MARK1: variants seen among roughly 807,000 people sequenced by gnomAD.
The protein encoded by MARK1 is microtubule affinity regulating kinase 1, also known as serine/threonine-protein kinase MARK1.
Under a neutral mutation model 96.3 loss-of-function variants are expected in MARK1, and 40 were observed. That is an observed-to-expected ratio of 0.42 (90% CI 0.32 to 0.54). The LOEUF is 0.54. MARK1 is among the 20% of genes least tolerant of loss of function. The pLI is 0.16. For missense variants in MARK1, 719 were observed against 984.6 expected (o/e 0.73, Z 3.61); for synonymous variants, 317 against 341.2 (o/e 0.93, Z 0.78).
At position 220,618,745 on chromosome 1, in the gene MARK1, G is replaced by T. The variant is rs750949859; in HGVS notation, c.899G>T (p.Gly300Val). 1 of 1,590,858 alleles carries T rather than the reference G, an allele frequency of 6.3e-7. No individual in the cohort carries two copies. The highest frequency in any genetic ancestry group is 1.2e-5 in the South Asian group (1 of 85,696). Residue 300 changes from glycine (G) to valine (V), a missense_variant, in exon 9 of 18, where the codon GGC (glycine) becomes GTC (valine). By Grantham distance (109) the Gly-to-Val change is moderately radical (BLOSUM62 -3). Transcript: ENST00000366917. This position sits in a 1 kb window ranked among gnomAD's most constrained non-coding sequence, Gnocchi z 4.6. The part of the protein sequence containing the change: ...KLLVLNPIKR[G>V]SLEQIMKDRW... ...TTAGTCCTGAATCCAATAAAGAGAG[G>T]CAGCTTGGAAGTAAGTAAATTTTTG... is the stretch of plus-strand genomic sequence containing the variant.
intron 1 of MARK1, among the ~76,000 whole-genome samples, chr1:220,551,906 G>A (rs888145869): frequency 6.6e-5 from 10 of 152,240 alleles, no homozygotes; most frequent in African/African-American, 2.4e-4. Flanking sequence ...GCCTGGTGAA[G>A]TAACCCAAGC....
intron 1 of MARK1, among the ~76,000 whole-genome samples, chr1:220,545,998 C>G (rs1661465256): frequency 1.3e-5 from 2 of 152,132 alleles, no homozygotes; most frequent in Non-Finnish European, 2.9e-5. Context: ...ATCTGACCAC[C>G]CCTGAGAGCT....
chr1:220,598,535 A>G (rs1665529635), intron 4 of MARK1, among the ~76,000 whole-genome samples, 156 bp downstream of exon 4: 2 of 151,310 alleles, frequency 1.3e-5, no homozygotes, highest in African/African-American at 4.9e-5. Context: ...AGGAAGTGAT[A>G]CTTTGGGTAA....
intron 9 of MARK1, among the ~76,000 whole-genome samples, chr1:220,630,778 T>C (rs1667639941): frequency 6.6e-6 from 1 of 152,158 alleles, no homozygotes; most frequent in Non-Finnish European, 1.5e-5. Context: ...AATATCCAAA[T>C]TTGAAAATAT....
Position 220,661,985 on chromosome 1 carries a change from A to G in MARK1, c.2207A>G (p.Glu736Gly), listed in dbSNP as rs777889635. The change falls in exon 18 of 18, where the codon GAG becomes GGG. Residue 736 changes from glutamate to glycine, a missense_variant. This residue lies in a region of MARK1 where 501 missense variants were observed against 588.3 expected (regional missense o/e 0.85). Transcript: ENST00000366917. ...AATAACTGTGATTATGAGCAAAAAG[A>G]GAGATTTTTGCTTTTCTGTGTCCAT... is the stretch of plus-strand genomic sequence containing the variant. ...DANNCDYEQK[E>G]RFLLFCVHGD... The G allele has an allele frequency of 6.2e-7, 1 of 1,614,118 alleles. No homozygotes were observed. Among genetic ancestry groups the G allele is most frequent in the Non-Finnish European group, 8.5e-7 (1 of 1,180,054 alleles).
At position 220,662,022 on chromosome 1, in the gene MARK1, A is replaced by G; in HGVS notation, c.2244A>G (p.Arg748=). 1 of 1,614,250 alleles carries G rather than the reference A, an allele frequency of 6.2e-7. No individual in the cohort carries two copies. The highest frequency in any genetic ancestry group is 8.5e-7 in the Non-Finnish European group (1 of 1,180,046). ...TTTTCTGTGTCCATGGAGACGCTAG[A>G]CAGGATAGCCTCGTGCAGTGGGAGA... ...FLLFCVHGDA[R]QDSLVQWEME... is the part of the protein sequence containing the mutation. Residue 748 remains arginine, a synonymous_variant, in exon 18 of 18, where the codon AGA becomes AGG. Coordinates refer to ENST00000366917, the MANE Select transcript of MARK1 (RefSeq NM_018650.5).
At chr1:220,615,539 C>CT (rs1666694378) in intron 6 of MARK1, among the ~76,000 whole-genome samples, 2 of 152,012 alleles carry the variant, frequency 1.3e-5, no homozygotes, top group Non-Finnish European at 2.9e-5. Flanking sequence ...TAGAGTTTTG[C>CT]TTTTTTAACT....
At chr1:220,617,331 G>A (rs1421777595) in intron 7 of MARK1, among the ~76,000 whole-genome samples, 4 of 152,076 alleles carry the variant, frequency 2.6e-5, no homozygotes, top group Non-Finnish European at 5.9e-5. Context: ...GAAAAGAAAG[G>A]TTGTGGTGGG....
At chr1:220,574,596 A>T (rs1327465559) in intron 1 of MARK1, among the ~76,000 whole-genome samples, 1 of 151,838 alleles carries the variant, frequency 6.6e-6, no homozygotes, top group Admixed American at 6.6e-5. Flanking sequence ...ATGTTGTGAA[A>T]TTTTTCTTCA....
intron 6 of MARK1, among the ~76,000 whole-genome samples, chr1:220,609,509 A>G (rs529231115): frequency 1.6e-4 from 24 of 152,154 alleles, no homozygotes; most frequent in Middle Eastern, 6.8e-3. Flanking sequence ...TCTTTATCCA[A>G]TTTGCCACTC....
At chr1:220,542,972 G>A (rs572739134) in intron 1 of MARK1, among the ~76,000 whole-genome samples, 9 of 151,960 alleles carry the variant, frequency 5.9e-5, no homozygotes, top group Non-Finnish European at 1.0e-4. Flanking sequence ...TGAAATTCTC[G>A]TATCTGTATA....
At chr1:220,530,193 A>G (rs1415241267) in intron 1 of MARK1, among the ~76,000 whole-genome samples, 7 of 146,314 alleles carry the variant, frequency 4.8e-5, no homozygotes, top group African/African-American at 1.5e-4. Flanking sequence ...AAGATGTTTC[A>G]GAGTATGCTT....
chr1:220,636,716 A>G (rs77748310), intron 13 of MARK1, among the ~76,000 whole-genome samples: 2,206 of 152,186 alleles, frequency 0.014, 30 homozygotes, highest in Middle Eastern at 0.044. Context: ...TACCAAAAAA[A>G]AGATGAAGAA....
At chr1:220,566,327 C>T (rs1433826330) in intron 1 of MARK1, among the ~76,000 whole-genome samples, 2 of 152,124 alleles carry the variant, frequency 1.3e-5, no homozygotes. Flanking sequence ...CCATTTAAGG[C>T]ATAAACCTAT....
At chr1:220,586,011 A>ATGCACGCG (rs1553322977) in intron 3 of MARK1, among the ~76,000 whole-genome samples, 2 of 148,536 alleles carry the variant, frequency 1.3e-5, no homozygotes, top group Non-Finnish European at 3.0e-5. Flanking sequence ...ACACACACAC[A>ATGCACGCG]CGCGCGCGTG....
chr1:220,652,752 T>C (rs1484702752), intron 15 of MARK1, among the ~76,000 whole-genome samples: 1 of 152,214 alleles, frequency 6.6e-6, no homozygotes, highest in Non-Finnish European at 1.5e-5. Flanking sequence ...GAAATTATTT[T>C]ATTCAAAGCC....
chr1:220,625,709 C>A (rs1667286632), intron 9 of MARK1: 1 of 406,526 alleles, frequency 2.5e-6, no homozygotes, highest in Non-Finnish European at 4.9e-6. Context: ...CTGTTGAGAC[C>A]AACTGATGGG....
At chr1:220,638,120 T>A (rs1485421921) in intron 13 of MARK1, among the ~76,000 whole-genome samples, 1 of 150,532 alleles carries the variant, frequency 6.6e-6, no homozygotes, top group South Asian at 2.1e-4. Context: ...GGCTTAAATT[T>A]TTTTTTTTTT....
chr1:220,595,700 C>T (rs762453039), intron 3 of MARK1, among the ~76,000 whole-genome samples: 34 of 151,902 alleles, frequency 2.2e-4, no homozygotes, highest in African/African-American at 5.8e-4. Flanking sequence ...TAGTAGATAA[C>T]GGATTGGAGG....
Sources: gnomAD v4.1 joint callset for allele counts (sites outside exome capture counted in the v4.1 genomes callset) on GRCh38, gnomAD v4.1.1 for gene constraint, gnomAD v4.1.1 regional missense constraint, Gnocchi (gnomAD v3.1) non-coding constraint, MANE v1.5 for transcripts, NCBI Gene and HGNC (gene_info 2026-07-23, HGNC 2026-07-21) for gene names.